Variants in CABLES1 observed in about 807,000 individuals in gnomAD.
CABLES1 encodes CDK5 and ABL1 enzyme substrate 1.
A neutral mutation model predicts 57.8 loss-of-function variants in CABLES1; 36 were observed. The ratio of observed to expected loss-of-function variants is 0.62; its 90% CI spans 0.48 to 0.82. CABLES1 has a LOEUF of 0.82. CABLES1 is among the 40% of genes least tolerant of loss of function. The probability of loss-of-function intolerance (pLI) is 0.00; values close to 1 mark genes in which losing one functional copy is unlikely to be tolerated. For synonymous variants in CABLES1, 374 were observed against 363.0 expected (o/e 1.03, Z -0.35); for missense variants, 767 against 836.6 (o/e 0.92, Z 1.03).
At position 23,253,933 on chromosome 18, in the gene CABLES1, T is replaced by C; in HGVS notation, c.1758T>C (p.Ile586=). ...AAAAACACGAAGTCAAGCATTTAAT[T>C]GACGTAAGTAGCCTTTTTCCTGGTG... ...DLKKHEVKHL[I]DKLEEKFRLN... is the part of the protein sequence containing the mutation. Residue 586 remains isoleucine (I), a synonymous_variant, in exon 9 of 10, where the codon ATT becomes ATC. Coordinates refer to ENST00000256925, the MANE Select transcript of CABLES1 (RefSeq NM_001100619.3). 1 of 1,613,950 alleles carries C rather than the reference T, an allele frequency of 6.2e-7. No homozygotes were observed. The highest frequency in any genetic ancestry group is 2.2e-5 in the East Asian group (1 of 44,892).
chr18:23,177,960 G>A lies in CABLES1; in HGVS notation c.846-10878G>A, dbSNP rs867936572. ...TGGATTTGATTCCTTGGAGCCTGAC[G>A]CCCATTCAGAACATAGGTAAGTTGG... is the stretch of plus-strand genomic sequence containing the variant. On this transcript the variant is annotated intron_variant, in intron 1 of 9. Coordinates refer to ENST00000256925, the MANE Select transcript of CABLES1 (RefSeq NM_001100619.3). Among the ~76,000 whole-genome samples the A allele has an allele frequency of 1.2e-4, 18 of 152,148 alleles. No individual in the cohort carries two copies. In the South Asian group the frequency reaches 1.5e-3, roughly 12 times the overall value.
At chr18:23,206,581 A>G (rs1382440318) in intron 3 of CABLES1, among the ~76,000 whole-genome samples, 1 of 152,134 alleles carries the variant, frequency 6.6e-6, no homozygotes, top group African/African-American at 2.4e-5. Context: ...CATTGTTCCC[A>G]CCCATTGCTG....
rs550053079 is a variant in CABLES1 at position 23,223,867 on chromosome 18, T to C, written c.1088+9813T>C. ...CATTGAATAAAGACTGGGTATGGGT[T>C]GTGCCCACGCCTTTCAAATAACACA... On this transcript the variant is annotated intron_variant, in intron 4 of 9. Transcript: ENST00000256925. Among the ~76,000 whole-genome samples, 47 of 152,218 alleles carry C rather than the reference T, an allele frequency of 3.1e-4. No individual in the cohort carries two copies. In the South Asian group the frequency reaches 7.7e-3, roughly 25 times the overall value.
chr18:23,156,963 A>G (rs1332458226), intron 1 of CABLES1, among the ~76,000 whole-genome samples: 1 of 152,212 alleles, frequency 6.6e-6, no homozygotes, highest in Non-Finnish European at 1.5e-5. Flanking sequence ...GAGAGAAGGC[A>G]TGTAGCCTTG....
In CABLES1 at chr18:23,136,853, G is replaced by A. The variant is rs929368063; in HGVS notation, c.845+246G>A. 2.6e-5 allele frequency among the ~76,000 whole-genome samples: 4 copies of A among 152,250 alleles called. No homozygotes were observed. The East Asian group carries it at 7.7e-4, about 29-fold the overall frequency. ...CAGAGGAGCACCGCGCTTGTGCAGT[G>A]GGTCGGGAATTGGGAGTTGCAGGAG... is the stretch of plus-strand genomic sequence containing the variant. On this transcript the variant is annotated intron_variant, in intron 1 of 9. Coordinates refer to ENST00000256925, the MANE Select transcript of CABLES1 (RefSeq NM_001100619.3).
intron 1 of CABLES1, among the ~76,000 whole-genome samples, chr18:23,144,806 TGTG>T (rs1235465366): frequency 6.6e-6 from 1 of 152,222 alleles, no homozygotes; most frequent in African/African-American, 2.4e-5. Context: ...TGAAATCGGT[TGTG>T]GTGGGAATAT....
At chr18:23,226,401 C>CA (rs35135711) in intron 4 of CABLES1, among the ~76,000 whole-genome samples, 4,504 of 131,018 alleles carry the variant, frequency 0.034, 232 homozygotes, top group African/African-American at 0.12. Context: ...GACTTCATCT[C>CA]AAAAAAAAAA....
chr18:23,235,827 TTG>T (rs1414396213), intron 5 of CABLES1, 66 bp from the exon 6 acceptor site: 2 of 1,485,074 alleles, frequency 1.3e-6, no homozygotes, highest in Non-Finnish European at 1.9e-6. Flanking sequence ...CAACTGTAGC[TTG>T]ATCAGAATGC....
intron 1 of CABLES1, among the ~76,000 whole-genome samples, chr18:23,169,976 C>T (rs1019645199): frequency 1.6e-4 from 24 of 152,074 alleles, no homozygotes; most frequent in African/African-American, 4.1e-4. Context: ...GAGCTGTAGC[C>T]GCGTGGGAGG....
intron 1 of CABLES1, among the ~76,000 whole-genome samples, chr18:23,169,290 A>T (rs1055663598): frequency 3.9e-5 from 6 of 152,100 alleles, no homozygotes; most frequent in Admixed American, 6.5e-5. Flanking sequence ...GGGAGTAGTC[A>T]TTCTTTTGTT....
chr18:23,251,543 G>T (rs1388110939), intron 7 of CABLES1, among the ~76,000 whole-genome samples: 8 of 152,160 alleles, frequency 5.3e-5, no homozygotes, highest in African/African-American at 1.7e-4. Context: ...ATGAACTGGA[G>T]GAAACCCAGA....
intron 1 of CABLES1, among the ~76,000 whole-genome samples, chr18:23,188,132 T>C (rs778219566): frequency 2.0e-5 from 3 of 152,220 alleles, no homozygotes; most frequent in African/African-American, 7.2e-5. Flanking sequence ...GTACCTGATA[T>C]TCTTAGTTAA....
chr18:23,157,543 T>G (rs1275543612), intron 1 of CABLES1, among the ~76,000 whole-genome samples: 2 of 152,178 alleles, frequency 1.3e-5, no homozygotes, highest in Non-Finnish European at 2.9e-5. Context: ...GAAAGTGGAA[T>G]ATTTCAGGCT....
intron 7 of CABLES1, among the ~76,000 whole-genome samples, chr18:23,243,832 A>G (rs1184404756): frequency 6.7e-6 from 1 of 149,856 alleles, no homozygotes; most frequent in African/African-American, 2.5e-5. Context: ...AGATCACGCC[A>G]CTGTACCCCG....
chr18:23,156,032 C>T (rs1057063077), intron 1 of CABLES1: 27 of 1,505,342 alleles, frequency 1.8e-5, no homozygotes, highest in Non-Finnish European at 2.5e-5. Flanking sequence ...TGCTGACGGT[C>T]TTTGTTGGAA....
In CABLES1 at chr18:23,135,966, C is replaced by T. The variant is rs1210472945; in HGVS notation, c.204C>T (p.Phe68=). The T allele has an allele frequency of 4.4e-6, 5 of 1,140,800 alleles. No individual in the cohort carries two copies. The highest frequency in any genetic ancestry group is 4.7e-5 in the East Asian group (1 of 21,136). 70.7% of individuals were successfully genotyped at this position (1,140,800 alleles called of 1,614,324 possible). A position where few individuals can be genotyped will look rare whatever the true frequency, so the allele number is the denominator to read the frequency against. The part of the protein sequence containing the change: ...DPRRRQAALS[F]LTNISLDGRL... ...GGCGCCGCCAGGCTGCCCTCTCCTT[C>T]CTCACCAACATCTCGCTGGACGGCC... Residue 68 remains phenylalanine, a synonymous_variant, in exon 1 of 10, where the codon TTC becomes TTT. Transcript: ENST00000256925.
chr18:23,144,919 A>G (rs1446052751), intron 1 of CABLES1, among the ~76,000 whole-genome samples: 1 of 148,838 alleles, frequency 6.7e-6, no homozygotes, highest in Admixed American at 6.7e-5. Context: ...TTTACCACAC[A>G]TCCTTTTTTT....
chr18:23,225,402 C>T (rs898520898), intron 4 of CABLES1, among the ~76,000 whole-genome samples: 3 of 152,132 alleles, frequency 2.0e-5, no homozygotes, highest in African/African-American at 4.8e-5. Flanking sequence ...AACAAAGCCA[C>T]CATTTACATT....
chr18:23,235,749 T>A, intron 5 of CABLES1, 146 bp from the exon 6 acceptor site: 1 of 875,680 alleles, frequency 1.1e-6, no homozygotes, highest in Admixed American at 2.3e-5. Context: ...CAAAACAAAT[T>A]TCATTTTTCA....
Sources: gnomAD v4.1 joint callset for allele counts (sites outside exome capture counted in the v4.1 genomes callset) on GRCh38, gnomAD v4.1.1 for gene constraint, MANE v1.5 for transcripts, NCBI Gene and HGNC (gene_info 2026-07-23, HGNC 2026-07-21) for gene names.